The following ANKS1B variants were observed in gnomAD, a reference collection of about 807,000 sequenced individuals.
ANKS1B encodes ankyrin repeat and sterile alpha motif domain containing 1B, also known as ankyrin repeat and sterile alpha motif domain-containing protein 1B.
Under a neutral mutation model 148.3 loss-of-function variants are expected in ANKS1B, and 36 were observed. That is an observed-to-expected ratio of 0.24 (90% confidence interval 0.19 to 0.32). The LOEUF (loss-of-function observed/expected upper bound fraction) is 0.32. ANKS1B is among the 10% of genes least tolerant of loss of function. ANKS1B has a pLI of 1.00. For synonymous variants in ANKS1B, 542 were observed against 560.8 expected, an observed-to-expected ratio of 0.97 and a Z score of 0.47; for missense variants, 1,157 against 1,542.6, an observed-to-expected ratio of 0.75 and a Z score of 4.19.
At chr12:99,297,239 C>T (rs958419835) in intron 12 of ANKS1B, among the ~76,000 whole-genome samples, 1 of 152,090 alleles carries the variant, frequency 6.6e-6, no homozygotes, top group Non-Finnish European at 1.5e-5. Flanking sequence ...CAGACAGAGG[C>T]AGCAATTAAA....
intron 17 of ANKS1B, among the ~76,000 whole-genome samples, chr12:98,907,034 T>C (rs2152814078): frequency 6.6e-6 from 1 of 151,816 alleles, no homozygotes; most frequent in East Asian, 1.9e-4. Flanking sequence ...TGTGTGTGTG[T>C]GTGTGTGTGT....
chr12:99,160,571 A>C (rs1392320375), intron 14 of ANKS1B, among the ~76,000 whole-genome samples: 1 of 149,176 alleles, frequency 6.7e-6, no homozygotes, highest in Non-Finnish European at 1.5e-5. Context: ...GATGGTCTCG[A>C]TCTCCTGACC....
chr12:99,144,310 G>C lies in ANKS1B; in HGVS notation c.2526+9979C>G, dbSNP rs78771922. On this transcript the variant is annotated intron_variant, in intron 15 of 26. Coordinates refer to ENST00000683438, the MANE Select transcript of ANKS1B (RefSeq NM_001352186.2). Reference sequence around the variant, plus strand: ...ATGGAAAGAGTGTAGGGCTAGAAAGGTGACAAGTTCCTGGTTCTGGTGTTG... The same window carrying C: ...ATGGAAAGAGTGTAGGGCTAGAAAGCTGACAAGTTCCTGGTTCTGGTGTTG... Among the ~76,000 whole-genome samples the C allele has an allele frequency of 4.0e-3, 610 of 150,838 alleles. 24 individuals carry two copies. The East Asian group carries it at 0.086, about 21-fold the overall frequency.
At chr12:99,385,242 G>A (rs2093811943) in intron 12 of ANKS1B, among the ~76,000 whole-genome samples, 1 of 152,210 alleles carries the variant, frequency 6.6e-6, no homozygotes, top group South Asian at 2.1e-4. Flanking sequence ...GCCGAGGCGG[G>A]TGGATCATTT....
chr12:99,227,600 G>T (rs1209221212), intron 14 of ANKS1B, among the ~76,000 whole-genome samples: 1 of 152,156 alleles, frequency 6.6e-6, no homozygotes, highest in Non-Finnish European at 1.5e-5. Context: ...GGGCAATTGT[G>T]AGCATCTGGC....
rs146420198 is a variant in ANKS1B at position 99,586,517 on chromosome 12, T to C, written c.1272+68550A>G. Among the ~76,000 whole-genome samples the C allele has an allele frequency of 3.8e-3, 581 of 152,286 alleles. 1 individual carries two copies. The highest frequency in any genetic ancestry group is 0.013 in the African/African-American group (540 of 41,552). On this transcript the variant is annotated intron_variant, in intron 9 of 26. Transcript: ENST00000683438. ...GGAAGTTCCAAACTTTCCCACATTT[T>C]CCTGTCTTCTTCTGAGCCCTCCAAA...
chr12:99,885,505 A>G (rs2092776549), intron 1 of ANKS1B, among the ~76,000 whole-genome samples: 1 of 151,964 alleles, frequency 6.6e-6, no homozygotes, highest in African/African-American at 2.4e-5. Context: ...GGGTTTCACC[A>G]TGTTAGCCAG....
intron 17 of ANKS1B, among the ~76,000 whole-genome samples, chr12:98,840,095 A>C (rs1029344526): frequency 3.9e-5 from 6 of 152,326 alleles, no homozygotes; most frequent in East Asian, 1.9e-4. Context: ...CAAATGAAGC[A>C]GGGGAGATGT....
chr12:98,742,607 G>A (rs954077077), downstream of ANKS1B, among the ~76,000 whole-genome samples: 2 of 152,236 alleles, frequency 1.3e-5, no homozygotes, highest in Admixed American at 6.5e-5. Flanking sequence ...TCCCTGGTTG[G>A]CACCAAGGTC....
intron 25 of ANKS1B, among the ~76,000 whole-genome samples, chr12:98,768,800 C>T (rs922008669): frequency 2.0e-5 from 3 of 152,012 alleles, no homozygotes; most frequent in Non-Finnish European, 2.9e-5. Context: ...CACTCCACCC[C>T]CGCCTCACAT....
intron 14 of ANKS1B, among the ~76,000 whole-genome samples, chr12:99,173,202 G>C (rs1390530068): frequency 6.6e-6 from 1 of 152,082 alleles, no homozygotes; most frequent in African/African-American, 2.4e-5. Context: ...CATGATTAGA[G>C]TAAATACCTT....
intron 9 of ANKS1B, among the ~76,000 whole-genome samples, chr12:99,570,808 T>C (rs868353009): frequency 5.2e-4 from 79 of 152,104 alleles, no homozygotes; most frequent in African/African-American, 1.7e-3. Flanking sequence ...GTATATACAA[T>C]GTACGTACTT....
At chr12:99,060,712 G>T (rs568737885) in intron 16 of ANKS1B, among the ~76,000 whole-genome samples, 17,449 of 147,256 alleles carry the variant, frequency 0.12, 2,725 homozygotes, top group African/African-American at 0.36. Context: ...TATATATAGA[G>T]AGAGAGAGCC....
intron 15 of ANKS1B, among the ~76,000 whole-genome samples, chr12:99,135,074 G>A (rs1029274211): frequency 1.3e-5 from 2 of 152,110 alleles, no homozygotes; most frequent in African/African-American, 4.8e-5. Context: ...TCTAACTGGT[G>A]TTTCTAACAG....
chr12:98,964,561 C>G (rs898736655), intron 17 of ANKS1B, among the ~76,000 whole-genome samples: 2 of 152,162 alleles, frequency 1.3e-5, no homozygotes, highest in Non-Finnish European at 2.9e-5. Flanking sequence ...CCCAAATGTT[C>G]ATCAACAGAT....
intron 9 of ANKS1B, among the ~76,000 whole-genome samples, chr12:99,586,476 G>A (rs2097641427): frequency 6.6e-6 from 1 of 152,084 alleles, no homozygotes; most frequent in Non-Finnish European, 1.5e-5. Flanking sequence ...TGTCCTCTGA[G>A]CCCTCCCAGT....
intron 12 of ANKS1B, among the ~76,000 whole-genome samples, chr12:99,337,403 G>C (rs1453953612): frequency 6.6e-6 from 1 of 151,912 alleles, no homozygotes; most frequent in African/African-American, 2.4e-5. Context: ...TACCTTCTCT[G>C]TATTATCTTG....
chr12:99,968,839 G>A (rs907366889), intron 1 of ANKS1B, among the ~76,000 whole-genome samples: 2 of 152,028 alleles, frequency 1.3e-5, no homozygotes, highest in African/African-American at 4.8e-5. Context: ...GTTTAAAAGT[G>A]TGTGGCACCT....
chr12:98,772,991 C>T, intron 25 of ANKS1B, 51 bp downstream of exon 25: 1 of 1,607,904 alleles, frequency 6.2e-7, no homozygotes, highest in Non-Finnish European at 8.5e-7. Context: ...CAATACAGTC[C>T]AGGCCCATTC....
Sources: allele counts gnomAD v4.1 joint callset (sites outside exome capture counted in the v4.1 genomes callset), GRCh38; gene constraint gnomAD v4.1.1; transcripts MANE v1.5; gene names NCBI Gene and HGNC (gene_info 2026-07-23, HGNC 2026-07-21).